Variants in EFCAB12 observed in about 807,000 individuals in gnomAD.
EFCAB12 encodes the protein EF-hand calcium-binding domain-containing protein 12.
Under a neutral mutation model 53.6 loss-of-function variants are expected in EFCAB12, and 43 were observed. The observed-to-expected ratio is 0.80, with a 90% CI of 0.63 to 1.03. The LOEUF is 1.03. EFCAB12 is among the 50% of genes least tolerant of loss of function. The probability of loss-of-function intolerance (pLI) is 0.00; values close to 1 mark genes in which losing one functional copy is unlikely to be tolerated. For synonymous variants in EFCAB12, 269 were observed against 289.2 expected, an observed-to-expected ratio of 0.93 and a Z score of 0.71; for missense variants, 646 against 730.6, an observed-to-expected ratio of 0.88 and a Z score of 1.34.
chr3:129,422,771 T>G (rs1440493449), intron 1 of EFCAB12, among the ~76,000 whole-genome samples: 1 of 152,236 alleles, frequency 6.6e-6, no homozygotes, highest in Non-Finnish European at 1.5e-5. Flanking sequence ...TACTTTGGGC[T>G]GAGGCATTGC....
chr3:129,423,462 A>G (rs923577944), intron 1 of EFCAB12, among the ~76,000 whole-genome samples: 6 of 151,954 alleles, frequency 3.9e-5, no homozygotes, highest in African/African-American at 1.4e-4. Context: ...CCTCATCTAT[A>G]CAAAAAAATT....
intron 6 of EFCAB12, among the ~76,000 whole-genome samples, chr3:129,404,637 C>G (rs571919057): frequency 1.3e-5 from 2 of 152,062 alleles, no homozygotes; most frequent in East Asian, 3.9e-4. Context: ...ATGCATATAG[C>G]TGTAGTGTGA....
At chr3:129,404,697 G>C (rs1032012325) in intron 6 of EFCAB12, among the ~76,000 whole-genome samples, 38 of 152,076 alleles carry the variant, frequency 2.5e-4, no homozygotes, top group African/African-American at 8.7e-4. Context: ...CTACAGATGA[G>C]GGGGGTTTGT....
intron 4 of EFCAB12, chr3:129,412,890 T>C (rs1392539246): frequency 1.3e-5 from 2 of 152,252 alleles, no homozygotes; most frequent in Non-Finnish European, 2.9e-5. Context: ...AAGTGGCACA[T>C]AGTAGTTGCT....
Position 129,404,286 on chromosome 3 carries a change from CG to C in EFCAB12, c.1366del (p.Arg456GlyfsTer34). ...CTTAGACTTGCCAGGGCCCTGGGACCGGAGCAGAGCCAGATTCGGAGAAAAG... is the reference window on the plus strand; with the variant it reads ...CTTAGACTTGCCAGGGCCCTGGGACCGAGCAGAGCCAGATTCGGAGAAAAG... ...KVFSPNLALLRSQGPGKSKRT... is the reference protein window; with the variant it reads ...KVFSPNLALLXSQGPGKSKRT... On this transcript the variant is annotated frameshift_variant, in exon 7 of 9. Transcript: ENST00000505956. LOFTEE classifies it high-confidence loss of function. 2 of 1,613,774 alleles carry C rather than the reference CG, an allele frequency of 1.2e-6. No homozygotes were observed. The highest frequency in any genetic ancestry group is 2.2e-5 in the South Asian group (2 of 91,076).
Position 129,418,277 on chromosome 3 carries a change from C to CCT in EFCAB12, c.656_657dup (p.Glu220ArgfsTer7), listed in dbSNP as rs764766705. 1.1e-5 allele frequency: 18 copies of CCT among 1,612,290 alleles called. No individual in the cohort carries two copies. Among genetic ancestry groups the CCT allele is most frequent in the Non-Finnish European group, 1.5e-5 (18 of 1,178,900 alleles). ...ACTGCCTTTACAGCCGCGATGAACT[C>CCT]CTCCCTGGTGATTCTCTGGTTCTCA... On this transcript the variant is annotated frameshift_variant, in exon 3 of 9. Transcript: ENST00000505956. LOFTEE classifies it high-confidence loss of function.
chr3:129,415,483 C>A (rs1272169332), intron 3 of EFCAB12, 82 bp from the exon 4 acceptor site: 68 of 1,549,106 alleles, frequency 4.4e-5, no homozygotes, highest in Non-Finnish European at 5.9e-5. Context: ...CCAGCCTCCT[C>A]AGACCCCCAT....
At chr3:129,408,169 C>T (rs1290791816) in intron 6 of EFCAB12, among the ~76,000 whole-genome samples, 2 of 152,230 alleles carry the variant, frequency 1.3e-5, no homozygotes, top group African/African-American at 4.8e-5. Context: ...GTCCTGTCTC[C>T]ACGTGCTTTC....
At chr3:129,419,832 A>G (rs1313731677) in intron 2 of EFCAB12, among the ~76,000 whole-genome samples, 3 of 152,268 alleles carry the variant, frequency 2.0e-5, no homozygotes, top group African/African-American at 7.2e-5. Context: ...ACACCCTGGA[A>G]GTAAGACCGT....
chr3:129,410,502 G>A (rs1298598553), intron 5 of EFCAB12, among the ~76,000 whole-genome samples: 1 of 152,042 alleles, frequency 6.6e-6, no homozygotes, highest in Admixed American at 6.6e-5. Context: ...ATTTTTTGTA[G>A]AGACAGGATC....
intron 8 of EFCAB12, among the ~76,000 whole-genome samples, chr3:129,402,282 C>T (rs551419469): frequency 2.0e-5 from 3 of 152,326 alleles, no homozygotes; most frequent in African/African-American, 7.2e-5. Context: ...CAGTTTCCTC[C>T]TGTGTAAAAT....
chr3:129,414,250 T>C (rs2072083118), intron 4 of EFCAB12: 1 of 152,200 alleles, frequency 6.6e-6, no homozygotes, highest in East Asian at 1.9e-4. Flanking sequence ...GACTGAGGAA[T>C]GGATGCTCTG....
At chr3:129,424,588 C>T (rs565811909) in intron 1 of EFCAB12, among the ~76,000 whole-genome samples, 1 of 152,334 alleles carries the variant, frequency 6.6e-6, no homozygotes, top group African/African-American at 2.4e-5. Context: ...TTATAAATTA[C>T]CTAGTCTCAG....
intron 2 of EFCAB12, among the ~76,000 whole-genome samples, chr3:129,419,866 T>G (rs545678005): frequency 3.9e-5 from 6 of 152,242 alleles, no homozygotes; most frequent in South Asian, 4.2e-4. Flanking sequence ...TGTATCCCCA[T>G]CTCCCACCTT....
In EFCAB12 at chr3:129,421,406, G is replaced by C. The variant is rs760916534; in HGVS notation, c.447C>G (p.Ala149=). 2 of 1,611,642 alleles carry C rather than the reference G, an allele frequency of 1.2e-6. No homozygotes were observed. The highest frequency in any genetic ancestry group is 2.7e-5 in the African/African-American group (2 of 74,892). The change falls in exon 2 of 9, where the codon GCC becomes GCG. Residue 149 remains alanine, a synonymous_variant. Coordinates refer to ENST00000505956, the MANE Select transcript of EFCAB12 (RefSeq NM_207307.3). ...VLHMIHEEQS[A]QPNASQATTR... ...TAGTTGCCTGGGAGGCATTTGGCTG[G>C]GCACTCTGCTCCTCGTGGATCATGT... is the stretch of plus-strand genomic sequence containing the variant.
rs571623088 is a variant in EFCAB12, at chr3:129,421,680, C to T, written c.173G>A (p.Arg58Gln). Reference sequence around the variant, plus strand: ...CTCCTTGCGAGGCACCATGATGATTCGCCGGCGGGTCTGAGGCAGGCGGAA... The same window carrying T: ...CTCCTTGCGAGGCACCATGATGATTTGCCGGCGGGTCTGAGGCAGGCGGAA... Reference protein sequence around the residue: ...KDFRLPQTRRRIIMVPRKEDQ... With the variant: ...KDFRLPQTRRQIIMVPRKEDQ... Residue 58 changes from arginine (R) to glutamine (Q), a missense_variant, in exon 2 of 9, where the codon CGA (arginine) becomes CAA (glutamine). By Grantham distance (43) the Arg-to-Gln change is conservative (BLOSUM62 1). Transcript: ENST00000505956. The T allele has an allele frequency of 4.3e-5, 70 of 1,613,842 alleles. No individual in the cohort carries two copies. The East Asian group carries it at 6.2e-4, about 14-fold the overall frequency.
intron 2 of EFCAB12, among the ~76,000 whole-genome samples, chr3:129,420,406 A>G (rs971130049): frequency 6.6e-6 from 1 of 152,202 alleles, no homozygotes; most frequent in Non-Finnish European, 1.5e-5. Flanking sequence ...AACCCAACTT[A>G]TCTGTCTTCT....
At position 129,408,783 on chromosome 3, in the gene EFCAB12, A is replaced by G. The variant is rs774762914; in HGVS notation, c.1111T>C (p.Cys371Arg). The change falls in exon 6 of 9, where the codon TGC becomes CGC. Residue 371 changes from cysteine to arginine, a missense_variant. Physicochemically the swap from Cys to Arg is radical, Grantham distance 180. Coordinates refer to ENST00000505956, the MANE Select transcript of EFCAB12 (RefSeq NM_207307.3). ...RCGNRHFDEH[C>R]LPSTIHGDMR... Reference sequence around the variant, plus strand: ...TCCCCGTGGATGGTGGACGGGAGGCAGTGCTCATCAAAGTGCCGATTCCCA... The same window carrying G: ...TCCCCGTGGATGGTGGACGGGAGGCGGTGCTCATCAAAGTGCCGATTCCCA... The G allele has an allele frequency of 1.3e-6, 2 of 1,578,106 alleles. No individual in the cohort carries two copies. Among genetic ancestry groups the G allele is most frequent in the South Asian group, 2.3e-5 (2 of 85,862 alleles).
At chr3:129,415,436 C>G (rs762601435) in intron 3 of EFCAB12, 35 bp from the exon 4 acceptor site, 2 of 1,610,956 alleles carry the variant, frequency 1.2e-6, no homozygotes, top group South Asian at 1.1e-5. Context: ...CTAGCAGGCT[C>G]CCATCCAAAC....
Sources: gnomAD v4.1 joint callset for allele counts (sites outside exome capture counted in the v4.1 genomes callset) on GRCh38, gnomAD v4.1.1 for gene constraint, MANE v1.5 for transcripts, NCBI Gene and HGNC (gene_info 2026-07-23, HGNC 2026-07-21) for gene names.